Variants in FANCL observed in about 807,000 individuals in gnomAD.
FANCL encodes the protein FA complementation group L, also known as E3 ubiquitin-protein ligase FANCL.
A neutral mutation model predicts 59.4 loss-of-function variants in FANCL; 69 were observed. The ratio of observed to expected loss-of-function variants is 1.16; its 90% CI spans 0.96 to 1.42. The LOEUF is 1.42. Among genes scored for constraint, FANCL ranks in the 40% most tolerant of loss-of-function variants. The pLI, the probability that FANCL is intolerant of heterozygous loss-of-function variation, is 0.00. For missense variants in FANCL, 519 were observed against 447.2 expected (o/e 1.16, Z -1.45); for synonymous variants, 180 against 147.1 (o/e 1.22, Z -1.62).
At chr2:58,233,850 G>A (rs78744369) in intron 1 of FANCL, among the ~76,000 whole-genome samples, 174 of 152,140 alleles carry the variant, frequency 1.1e-3, no homozygotes, top group African/African-American at 4.0e-3. Context: ...GAATGCTTTA[G>A]AGGCAGAAGA....
At chr2:58,193,269 G>A (rs1408080131) in intron 7 of FANCL, among the ~76,000 whole-genome samples, 1 of 151,994 alleles carries the variant, frequency 6.6e-6, no homozygotes, top group Non-Finnish European at 1.5e-5. Context: ...TTTGTTAAGT[G>A]ACAAGCATAG....
At chr2:58,230,131 G>A (rs1043957742) in intron 2 of FANCL, among the ~76,000 whole-genome samples, 9 of 151,774 alleles carry the variant, frequency 5.9e-5, no homozygotes, top group Non-Finnish European at 1.0e-4. Context: ...TAACACATCC[G>A]AAGCAAAGTT....
rs774989597 is a variant in FANCL at position 58,160,113 on chromosome 2, T to C, written c.1087A>G (p.Ser363Gly). 6.2e-7 allele frequency: 1 copy of C among 1,612,418 alleles called. No homozygotes were observed. The highest frequency in any genetic ancestry group is 1.3e-5 in the African/African-American group (1 of 74,874). ...NIIFGECPYC[S>G]KPITLKMSGR... ...GTGATTAACAATTTGCTTACCTTAC[T>C]ACAATATGGACATTCACCAAATATG... Residue 363 changes from serine (S) to glycine (G), a missense_variant, in exon 13 of 14, where the codon AGT (serine) becomes GGT (glycine). By Grantham distance (56) the Ser-to-Gly change is moderately conservative. Coordinates refer to ENST00000233741, the MANE Select transcript of FANCL (RefSeq NM_018062.4).
chr2:58,172,046 G>A (rs1415328616), intron 7 of FANCL, among the ~76,000 whole-genome samples: 1 of 152,360 alleles, frequency 6.6e-6, no homozygotes, highest in East Asian at 1.9e-4. Flanking sequence ...GAGGCTGGGG[G>A]AGGGGCGCCC....
At position 58,216,093 on chromosome 2, in the gene FANCL, T is replaced by G. The variant is rs1055265303; in HGVS notation, c.374+5849A>C. On this transcript the variant is annotated intron_variant, in intron 5 of 13. Transcript: ENST00000233741. ...GACCCCAAACTGTAATTGAGAGGTC[T>G]TGTGGAGACACAAAGGTTAGAGTTT... Among the ~76,000 whole-genome samples, 3 of 152,142 alleles carry G rather than the reference T, an allele frequency of 2.0e-5. No individual in the cohort carries two copies. The East Asian group carries it at 5.8e-4, about 29-fold the overall frequency.
chr2:58,217,296 GC>G (rs1270146677), intron 5 of FANCL, among the ~76,000 whole-genome samples: 3 of 145,104 alleles, frequency 2.1e-5, no homozygotes, highest in Non-Finnish European at 3.0e-5. Context: ...AGTTCTGGAG[GC>G]CAGGGGTTCC....
At chr2:58,174,498 T>G (rs914414773) in intron 7 of FANCL, among the ~76,000 whole-genome samples, 1 of 152,022 alleles carries the variant, frequency 6.6e-6, no homozygotes, top group African/African-American at 2.4e-5. Context: ...TCAAAACCGC[T>G]CATCTACATG....
intron 5 of FANCL, among the ~76,000 whole-genome samples, chr2:58,214,351 CACTT>C (rs1179315951): frequency 6.6e-6 from 1 of 152,112 alleles, no homozygotes; most frequent in Admixed American, 6.5e-5. Context: ...GCTCACAAAA[CACTT>C]ACTCCATATT....
chr2:58,173,833 T>C lies in FANCL; in HGVS notation c.541-7959A>G, dbSNP rs567192934. ...GACTAAATGCTCCAATTAAAAGACA[T>C]AGACTGGCTAATTGGATAAAGAGTC... On this transcript the variant is annotated intron_variant, in intron 7 of 13. Coordinates refer to ENST00000233741, the MANE Select transcript of FANCL (RefSeq NM_018062.4). Among the ~76,000 whole-genome samples the C allele has an allele frequency of 1.4e-4, 22 of 152,142 alleles. No individual in the cohort carries two copies. The South Asian group carries it at 2.7e-3, about 19-fold the overall frequency.
intron 4 of FANCL, among the ~76,000 whole-genome samples, chr2:58,226,329 T>C (rs28391566): frequency 0.015 from 2,324 of 152,302 alleles, 61 homozygotes; most frequent in African/African-American, 0.052. Flanking sequence ...ACAGTATACA[T>C]AAAATGAAGC....
At chr2:58,176,847 T>C (rs547265982) in intron 7 of FANCL, among the ~76,000 whole-genome samples, 2,198 of 152,228 alleles carry the variant, frequency 0.014, 70 homozygotes, top group African/African-American at 0.051. Flanking sequence ...ACAGGCAACC[T>C]ACAAAATGGG....
chr2:58,207,444 G>A (rs1690700330), intron 5 of FANCL, among the ~76,000 whole-genome samples: 1 of 152,198 alleles, frequency 6.6e-6, no homozygotes, highest in African/African-American at 2.4e-5. Context: ...GAACAATGCA[G>A]TCACAGCGGA....
At chr2:58,185,207 C>G (rs755763054) in intron 7 of FANCL, among the ~76,000 whole-genome samples, 9 of 152,054 alleles carry the variant, frequency 5.9e-5, no homozygotes, top group Non-Finnish European at 1.2e-4. Flanking sequence ...AAATAGACAT[C>G]TCCACATCAT....
chr2:58,174,083 C>A (rs560818312), intron 7 of FANCL, among the ~76,000 whole-genome samples: 1 of 152,162 alleles, frequency 6.6e-6, no homozygotes, highest in African/African-American at 2.4e-5. Context: ...ACAAGAGGAG[C>A]TAACTATCCT....
At chr2:58,173,862 A>G (rs534596847) in intron 7 of FANCL, among the ~76,000 whole-genome samples, 1 of 152,228 alleles carries the variant, frequency 6.6e-6, no homozygotes, top group African/African-American at 2.4e-5. Flanking sequence ...AAGAGTCAAG[A>G]CCCATCAGTG....
chr2:58,208,632 C>A (rs1690820120), intron 5 of FANCL, among the ~76,000 whole-genome samples: 1 of 152,144 alleles, frequency 6.6e-6, no homozygotes, highest in Non-Finnish European at 1.5e-5. Flanking sequence ...AGGCAGACTG[C>A]TTCAAAAGAC....
chr2:58,171,396 T>C (rs1230266140), intron 7 of FANCL, among the ~76,000 whole-genome samples: 1 of 152,192 alleles, frequency 6.6e-6, no homozygotes, highest in Non-Finnish European at 1.5e-5. Flanking sequence ...AAGGGAAATT[T>C]ATAACGAAAT....
At chr2:58,205,780 CA>C (rs1690525416) in intron 5 of FANCL, among the ~76,000 whole-genome samples, 1 of 149,884 alleles carries the variant, frequency 6.7e-6, no homozygotes, top group Non-Finnish European at 1.5e-5. Flanking sequence ...ATGCAGTGTT[CA>C]GGATAGAGAG....
intron 7 of FANCL, among the ~76,000 whole-genome samples, chr2:58,183,622 A>T (rs897877892): frequency 2.6e-5 from 4 of 151,902 alleles, no homozygotes; most frequent in South Asian, 2.1e-4. Context: ...GTTATATTTT[A>T]AAAATCCTCT....
Sources: gnomAD v4.1 joint callset for allele counts (sites outside exome capture counted in the v4.1 genomes callset) on GRCh38, gnomAD v4.1.1 for gene constraint, MANE v1.5 for transcripts, NCBI Gene and HGNC (gene_info 2026-07-23, HGNC 2026-07-21) for gene names.